The following ZNF341 variants were observed in gnomAD, a reference collection of about 807,000 sequenced individuals.
The protein encoded by ZNF341 is zinc finger protein 341.
A neutral mutation model predicts 87.7 loss-of-function variants in ZNF341; 52 were observed. The ratio of observed to expected loss-of-function variants is 0.59; its 90% CI spans 0.47 to 0.75. ZNF341 has a LOEUF of 0.75. ZNF341 is among the 30% of genes least tolerant of loss of function. The pLI, the probability that ZNF341 is intolerant of heterozygous loss-of-function variation, is 0.00. For missense variants in ZNF341, 977 were observed against 1,145.9 expected (o/e 0.85, Z 2.13); for synonymous variants, 459 against 472.7 (o/e 0.97, Z 0.38).
At chr20:33,781,055 G>A (rs1228255067) in intron 10 of ZNF341, among the ~76,000 whole-genome samples, 1 of 152,110 alleles carries the variant, frequency 6.6e-6, no homozygotes, top group Non-Finnish European at 1.5e-5. Flanking sequence ...GTGGAGAATG[G>A]ACTACAGGAG....
At chr20:33,741,779 T>C (rs530791268) in intron 2 of ZNF341, among the ~76,000 whole-genome samples, 1 of 152,230 alleles carries the variant, frequency 6.6e-6, no homozygotes, top group African/African-American at 2.4e-5. Flanking sequence ...TTTTGTGTAC[T>C]TGGGAATCAC....
At chr20:33,786,787 A>G (rs948089665) in intron 12 of ZNF341, among the ~76,000 whole-genome samples, 6 of 131,134 alleles carry the variant, frequency 4.6e-5, no homozygotes, top group Non-Finnish European at 1.0e-4. Context: ...GGCCAACGTG[A>G]TGAAACCCCG....
In ZNF341 at chr20:33,791,806, G is replaced by C. The variant is rs372147422; in HGVS notation, c.*289G>C. 1.1e-5 allele frequency: 4 copies of C among 372,320 alleles called. No homozygotes were observed. The Admixed American group carries it at 1.6e-4, about 15-fold the overall frequency. The allele number at this position is 372,320 out of a possible 1,614,324, so 23.1% of individuals were successfully genotyped here. On this transcript the variant is annotated 3_prime_UTR_variant, in exon 15 of 15. Coordinates refer to ENST00000375200, the MANE Select transcript of ZNF341 (RefSeq NM_001282933.2). ...TGAAGCCTGAGCAGCCCAGAGTCCCGCTGGTCTAGGCTGGTGGTCGGGGCC... is the reference window on the plus strand; with the variant it reads ...TGAAGCCTGAGCAGCCCAGAGTCCCCCTGGTCTAGGCTGGTGGTCGGGGCC...
chr20:33,788,775 G>T (rs2019928342), intron 12 of ZNF341, 88 bp from the exon 13 acceptor site: 1 of 1,012,520 alleles, frequency 9.9e-7, no homozygotes, highest in African/African-American at 1.6e-5. Flanking sequence ...TAGAGGAGCT[G>T]CTCCCCTGAG....
At position 33,740,972 on chromosome 20, in the gene ZNF341, AG is replaced by A. The variant is rs1313476907; in HGVS notation, c.104del (p.Gly35AlafsTer35). The A allele has an allele frequency of 6.2e-7, 1 of 1,614,004 alleles. No homozygotes were observed. Among genetic ancestry groups the A allele is most frequent in the Admixed American group, 1.7e-5 (1 of 59,990 alleles). On this transcript the variant is annotated frameshift_variant, in exon 2 of 15. Coordinates refer to ENST00000375200, the MANE Select transcript of ZNF341 (RefSeq NM_001282933.2). LOFTEE classifies it high-confidence loss of function. ...GCCAAGGAGCAGTCCCTGATCCGAC[AG>A]GCCAGAGTGTCAATGCGCCCCCTGC... ...DGQGAVPDPT[G>X]QSVNAPPAIQ...
At position 33,746,176 on chromosome 20, in the gene ZNF341, G is replaced by A. The variant is rs189179614; in HGVS notation, c.339+877G>A. Among the ~76,000 whole-genome samples, 1,225 of 149,186 alleles carry A rather than the reference G, an allele frequency of 8.2e-3. 42 individuals carry two copies. In the East Asian group the frequency reaches 0.087, roughly 11 times the overall value. ...AATCTCCTGACCTCGTGATCTGCCC[G>A]CCTCGGCCTCCCAAAGTGCTGGGAT... On this transcript the variant is annotated intron_variant, in intron 3 of 14. Transcript: ENST00000375200.
rs866641266 is a variant in ZNF341, at chr20:33,762,026, C to T, written c.1193C>T (p.Pro398Leu). The change falls in exon 8 of 15, where the codon CCC becomes CTC. Residue 398 changes from proline to leucine, a missense_variant. Physicochemically the swap from Pro to Leu is moderately conservative, Grantham distance 98. Around this residue, in one of 3 missense-constraint regions of ZNF341, gnomAD observed 515 missense variants for 598.2 expected, o/e 0.86. Coordinates refer to ENST00000375200, the MANE Select transcript of ZNF341 (RefSeq NM_001282933.2). The stretch of plus-strand genomic sequence containing the variant: ...ACCGTACAGGTCATGGCCCTGAACC[C>T]CAGCAGGCAGGAGGACGAGGAAAGC... ...SVTVQVMALN[P>L]SRQEDEESTG... 1.3e-6 allele frequency: 2 copies of T among 1,572,572 alleles called. No homozygotes were observed. Among genetic ancestry groups the T allele is most frequent in the Non-Finnish European group, 8.7e-7 (1 of 1,149,798 alleles).
chr20:33,751,570 T>C (rs2019055940), intron 4 of ZNF341, among the ~76,000 whole-genome samples: 1 of 151,928 alleles, frequency 6.6e-6, no homozygotes, highest in African/African-American at 2.4e-5. Context: ...TTTGTTTGTT[T>C]GTTTGTTTGT....
intron 5 of ZNF341, among the ~76,000 whole-genome samples, chr20:33,756,530 CT>C (rs2019183234): frequency 1.3e-5 from 2 of 151,910 alleles, no homozygotes; most frequent in African/African-American, 4.8e-5. Context: ...CCATGCCTGA[CT>C]TAATTTTTGT....
chr20:33,747,614 CAAAAAAAAAAA>C (rs773781002), intron 3 of ZNF341, among the ~76,000 whole-genome samples: 3 of 15,624 alleles, frequency 1.9e-4, no homozygotes, highest in Non-Finnish European at 2.9e-4. Context: ...GACTCCGTCT[CAAAAAAAAAAA>C]AAAAAAAAAA....
rs913623812 is a variant in ZNF341 at position 33,740,945 on chromosome 20, T to G, written c.75T>G (p.Asp25Glu). 6.2e-7 allele frequency: 1 copy of G among 1,614,214 alleles called. No individual in the cohort carries two copies. Among genetic ancestry groups the G allele is most frequent in the Admixed American group, 1.7e-5 (1 of 60,014 alleles). The change falls in exon 2 of 15, where the codon GAT (aspartate) becomes GAG (glutamate). Residue 25 changes from aspartate to glutamate, a missense_variant. Around this residue, in one of 3 missense-constraint regions of ZNF341, gnomAD observed 515 missense variants for 598.2 expected, o/e 0.86. Transcript: ENST00000375200. ...QTVLAVQSLL[D>E]GQGAVPDPTG... ...TTCTGGCTGTCCAGTCATTATTGGA[T>G]GGCCAAGGAGCAGTCCCTGATCCGA...
At chr20:33,756,304 TCA>T (rs1297780289) in intron 5 of ZNF341, among the ~76,000 whole-genome samples, 1 of 151,882 alleles carries the variant, frequency 6.6e-6, no homozygotes, top group Non-Finnish European at 1.5e-5. Flanking sequence ...TTGGGTAGTG[TCA>T]GTCAGGAAGT....
chr20:33,756,673 G>C (rs1483634398), intron 5 of ZNF341, among the ~76,000 whole-genome samples: 1 of 152,156 alleles, frequency 6.6e-6, no homozygotes, highest in East Asian at 1.9e-4. Context: ...CAGCCACCTA[G>C]TTCTCTTAAT....
intron 4 of ZNF341, chr20:33,752,428 C>A: frequency 1.6e-6 from 1 of 613,064 alleles, no homozygotes. Context: ...GAGCACGCTT[C>A]TTGAAGCCAC....
At chr20:33,766,711 T>C (rs2019413363) in intron 8 of ZNF341, 140 bp from the exon 9 acceptor site, 2 of 839,052 alleles carry the variant, frequency 2.4e-6, no homozygotes, top group Non-Finnish European at 3.7e-6. Context: ...TGAGTGTGAG[T>C]GCAGCACCTT....
chr20:33,750,019 G>C (rs891300528), intron 4 of ZNF341, among the ~76,000 whole-genome samples: 1 of 152,174 alleles, frequency 6.6e-6, no homozygotes, highest in Non-Finnish European at 1.5e-5. Flanking sequence ...CAAAGTGCTG[G>C]GATCACAGGT....
intron 10 of ZNF341, among the ~76,000 whole-genome samples, chr20:33,774,858 C>T (rs2019598647): frequency 6.6e-6 from 1 of 152,088 alleles, no homozygotes; most frequent in Admixed American, 6.6e-5. Flanking sequence ...GTCCCAGTTA[C>T]TTGGGAGGCT....
At chr20:33,762,331 T>C (rs1338855392) in intron 8 of ZNF341, among the ~76,000 whole-genome samples, 5 of 152,134 alleles carry the variant, frequency 3.3e-5, no homozygotes, top group Admixed American at 6.6e-5. Context: ...TTTTTTTTTT[T>C]TAACTTATGA....
chr20:33,746,848 T>A lies in ZNF341; in HGVS notation c.339+1549T>A, dbSNP rs77269741. 2.0e-3 allele frequency among the ~76,000 whole-genome samples: 299 copies of A among 152,250 alleles called. 6 individuals carry two copies. The East Asian group carries it at 0.051, about 26-fold the overall frequency. On this transcript the variant is annotated intron_variant, in intron 3 of 14. Transcript: ENST00000375200. ...GAGATCAAGAAGGGTCACAGAGGAC[T>A]CCTGATTTAGAGTTGCCACTAGCTG...
Sources: gnomAD v4.1 joint callset for allele counts (sites outside exome capture counted in the v4.1 genomes callset) on GRCh38, gnomAD v4.1.1 for gene constraint, gnomAD v4.1.1 regional missense constraint, MANE v1.5 for transcripts, NCBI Gene and HGNC (gene_info 2026-07-23, HGNC 2026-07-21) for gene names.